Variants in ROBO2 observed in about 807,000 individuals in gnomAD.
ROBO2 encodes the protein roundabout homolog 2.
In ROBO2, 53 loss-of-function variants were observed where a neutral mutation model predicts 160.8. The observed-to-expected ratio is 0.33, with a 90% CI of 0.26 to 0.41. The LOEUF is 0.41. Among genes scored for constraint, ROBO2 ranks in the 10% least tolerant of loss-of-function variants. The probability of loss-of-function intolerance (pLI) is 1.00; values close to 1 mark genes in which losing one functional copy is unlikely to be tolerated. For missense variants in ROBO2, 1,577 were observed against 1,722.4 expected (o/e 0.92, Z 1.49); for synonymous variants, 664 against 611.7 (o/e 1.09, Z -1.26).
At chr3:76,639,288 A>C (rs1372495313) in intron 2 of ROBO2, among the ~76,000 whole-genome samples, 1 of 151,792 alleles carries the variant, frequency 6.6e-6, no homozygotes, top group Non-Finnish European at 1.5e-5. Flanking sequence ...ACATATAGGT[A>C]TATATGTATG....
At chr3:76,045,484 T>C (rs151105775) in intron 2 of ROBO2, among the ~76,000 whole-genome samples, 1 of 152,018 alleles carries the variant, frequency 6.6e-6, no homozygotes, top group Admixed American at 6.5e-5. Context: ...ACACAAGTTA[T>C]AGAGAAAGAC....
intron 2 of ROBO2, among the ~76,000 whole-genome samples, chr3:76,053,227 G>A (rs6780227): frequency 0.6 from 90,635 of 151,764 alleles, 27,824 homozygotes; most frequent in African/African-American, 0.74. Context: ...TTAAAATAAA[G>A]TATCTGAGGG....
chr3:76,537,706 C>G (rs1472049488), intron 2 of ROBO2, among the ~76,000 whole-genome samples: 2 of 152,122 alleles, frequency 1.3e-5, no homozygotes, highest in Non-Finnish European at 2.9e-5. Context: ...AGAAGACCAC[C>G]TACACAGGCT....
At chr3:76,843,365 T>C (rs894833623) in intron 2 of ROBO2, among the ~76,000 whole-genome samples, 1 of 151,974 alleles carries the variant, frequency 6.6e-6, no homozygotes, top group Non-Finnish European at 1.5e-5. Context: ...TATTAGTGCA[T>C]CAATTACATT....
chr3:77,352,109 TA>T (rs34760101), intron 2 of ROBO2, among the ~76,000 whole-genome samples: 163 of 144,770 alleles, frequency 1.1e-3, no homozygotes, highest in African/African-American at 3.4e-3. Flanking sequence ...ATAATAAAAT[TA>T]AAAAAAAAAA....
chr3:77,081,056 C>T (rs1012133486), intron 1 of ROBO2, among the ~76,000 whole-genome samples: 8 of 151,982 alleles, frequency 5.3e-5, no homozygotes, highest in Non-Finnish European at 1.0e-4. Context: ...TTTATACTCA[C>T]GTGCATGTTT....
intron 2 of ROBO2, among the ~76,000 whole-genome samples, chr3:76,472,015 G>T (rs2078680229): frequency 1.3e-5 from 2 of 152,024 alleles, no homozygotes; most frequent in South Asian, 2.1e-4. Context: ...TGAGATTTGG[G>T]TGGGGACACA....
chr3:76,896,776 C>T, intron 2 of ROBO2, among the ~76,000 whole-genome samples: 1 of 152,036 alleles, frequency 6.6e-6, no homozygotes, highest in East Asian at 1.9e-4. Context: ...TACAATTTTC[C>T]TAATAATTGA....
At chr3:76,670,045 T>C (rs1208950874) in intron 2 of ROBO2, among the ~76,000 whole-genome samples, 1 of 152,194 alleles carries the variant, frequency 6.6e-6, no homozygotes, top group Non-Finnish European at 1.5e-5. Context: ...AAGTGTCTTA[T>C]ATGACAAAAT....
At chr3:77,025,250 T>C (rs554394194) in intron 2 of ROBO2, among the ~76,000 whole-genome samples, 25 of 152,344 alleles carry the variant, frequency 1.6e-4, no homozygotes, top group Admixed American at 9.8e-4. Context: ...ATTTTGGACT[T>C]GTCTTTACTA....
At chr3:77,330,385 G>A (rs1249049502) in intron 2 of ROBO2, among the ~76,000 whole-genome samples, 1 of 152,180 alleles carries the variant, frequency 6.6e-6, no homozygotes, top group Non-Finnish European at 1.5e-5. Context: ...TGGTGTGGTG[G>A]CACATGCCGG....
At chr3:76,982,952 G>T (rs556035665) in intron 2 of ROBO2, among the ~76,000 whole-genome samples, 4 of 152,024 alleles carry the variant, frequency 2.6e-5, no homozygotes, top group Non-Finnish European at 4.4e-5. Context: ...CTTAATTAAA[G>T]AAAACTTAGC....
intron 2 of ROBO2, among the ~76,000 whole-genome samples, chr3:77,305,333 A>G (rs1422946128): frequency 2.0e-5 from 3 of 152,130 alleles, no homozygotes; most frequent in Non-Finnish European, 2.9e-5. Context: ...AGCATTCTTC[A>G]CTCTATTTCC....
At chr3:76,037,321 G>T (rs868537100) in intron 2 of ROBO2, among the ~76,000 whole-genome samples, 1 of 148,402 alleles carries the variant, frequency 6.7e-6, no homozygotes, top group African/African-American at 2.5e-5. Context: ...GCAGTGGCGC[G>T]ATCTCGGCTC....
At chr3:77,501,821 T>C (rs2087662211) in intron 5 of ROBO2, among the ~76,000 whole-genome samples, 1 of 152,204 alleles carries the variant, frequency 6.6e-6, no homozygotes, top group Admixed American at 6.5e-5. Context: ...GAAGGCATCT[T>C]GTAAACTTAT....
At chr3:76,892,156 G>A (rs780958989) in intron 2 of ROBO2, among the ~76,000 whole-genome samples, 5 of 152,112 alleles carry the variant, frequency 3.3e-5, no homozygotes, top group East Asian at 1.9e-4. Context: ...GGTAAGAAGC[G>A]TCCTGCAGGA....
At chr3:77,546,795 G>A (rs139478497) in intron 7 of ROBO2, among the ~76,000 whole-genome samples, 26 of 152,166 alleles carry the variant, frequency 1.7e-4, no homozygotes, top group Admixed American at 5.9e-4. Flanking sequence ...ATTGAGATAC[G>A]TGGTGTGATA....
intron 2 of ROBO2, among the ~76,000 whole-genome samples, chr3:76,560,006 A>G (rs1042465860): frequency 6.6e-6 from 1 of 152,130 alleles, no homozygotes; most frequent in Non-Finnish European, 1.5e-5. Context: ...AATGCAATGC[A>G]GTCCATAGTT....
chr3:75,932,258 T>C (rs1338823625), intron 1 of ROBO2, among the ~76,000 whole-genome samples: 1 of 152,208 alleles, frequency 6.6e-6, no homozygotes, highest in Non-Finnish European at 1.5e-5. Context: ...TGAGGAGTTT[T>C]CAGGTCTCTT....
Sources: allele counts gnomAD v4.1 joint callset (sites outside exome capture counted in the v4.1 genomes callset), GRCh38; gene constraint gnomAD v4.1.1; transcripts MANE v1.5; gene names NCBI Gene and HGNC (gene_info 2026-07-23, HGNC 2026-07-21).